The following RARS1 variants were observed in gnomAD, a reference collection of about 807,000 sequenced individuals.
The protein encoded by RARS1 is arginyl-tRNA synthetase 1.
Under a neutral mutation model 78.7 loss-of-function variants are expected in RARS1, and 75 were observed. The observed-to-expected ratio is 0.95, with a 90% CI of 0.79 to 1.15. The LOEUF (loss-of-function observed/expected upper bound fraction) is 1.15. Among genes scored for constraint, RARS1 ranks in the 50% most tolerant of loss-of-function variants. The pLI is 0.00. For synonymous variants in RARS1, 273 were observed against 268.2 expected, an observed-to-expected ratio of 1.02 and a Z score of -0.18; for missense variants, 787 against 787.5, an observed-to-expected ratio of 1.00 and a Z score of 0.01.
At chr5:168,496,034 G>T (rs1758177604) in intron 6 of RARS1, among the ~76,000 whole-genome samples, 2 of 151,980 alleles carry the variant, frequency 1.3e-5, no homozygotes, top group Non-Finnish European at 2.9e-5. Context: ...ACAAATTAAA[G>T]ATTACTCTGG....
intron 9 of RARS1, among the ~76,000 whole-genome samples, chr5:168,505,050 A>G (rs1297092016): frequency 1.3e-5 from 2 of 152,240 alleles, no homozygotes; most frequent in Non-Finnish European, 2.9e-5. Flanking sequence ...ATAGGCACAG[A>G]GAAGTTAGTA....
Position 168,497,344 on chromosome 5 carries a change from A to G in RARS1, c.818A>G (p.Tyr273Cys), listed in dbSNP as rs1215527973. Residue 273 changes from tyrosine (Y) to cysteine (C), a missense_variant, in exon 7 of 15, where the codon TAT (tyrosine) becomes TGT (cysteine). Physicochemically the swap from Tyr to Cys is radical, Grantham distance 194. Transcript: ENST00000231572. ...SPPIGDLQVFYKESKKRFDTE... is the reference protein window; with the variant it reads ...SPPIGDLQVFCKESKKRFDTE... Reference sequence around the variant, plus strand: ...CCTATTGGGGATCTTCAGGTCTTTTATAAGGTTTGATACCATTTCTTTTAT... The same window carrying G: ...CCTATTGGGGATCTTCAGGTCTTTTGTAAGGTTTGATACCATTTCTTTTAT... The G allele has an allele frequency of 1.9e-6, 3 of 1,570,572 alleles. No individual in the cohort carries two copies. The highest frequency in any genetic ancestry group is 2.6e-6 in the Non-Finnish European group (3 of 1,155,782).
At chr5:168,503,408 G>A (rs780478350) in intron 9 of RARS1, among the ~76,000 whole-genome samples, 7 of 152,144 alleles carry the variant, frequency 4.6e-5, no homozygotes, top group Non-Finnish European at 1.0e-4. Context: ...AGAAGTGCTT[G>A]ATTTTTTTAT....
At position 168,491,931 on chromosome 5, in the gene RARS1, A is replaced by C. The variant is rs371653935; in HGVS notation, c.181-728A>C. 8.9e-4 allele frequency among the ~76,000 whole-genome samples: 133 copies of C among 149,438 alleles called. 3 individuals carry two copies. The South Asian group carries it at 0.027, about 30-fold the overall frequency. ...AGCATGTTTATCTTCTATTAAAAGC[A>C]TATGTGTCATTCACCTTTTTTTTTT... On this transcript the variant is annotated intron_variant, in intron 2 of 14. Coordinates refer to ENST00000231572, the MANE Select transcript of RARS1 (RefSeq NM_002887.4).
At chr5:168,488,571 T>A in intron 1 of RARS1, 31 bp from the exon 2 acceptor site, 1 of 1,589,320 alleles carries the variant, frequency 6.3e-7, no homozygotes, top group Non-Finnish European at 8.5e-7. Flanking sequence ...AGTAAGTTTA[T>A]GGACTGAAAA....
chr5:168,498,911 G>C (rs531667117), intron 7 of RARS1, among the ~76,000 whole-genome samples: 1 of 152,228 alleles, frequency 6.6e-6, no homozygotes, highest in East Asian at 1.9e-4. Context: ...GACCAAGGCT[G>C]CAGTGAGCTG....
chr5:168,507,877 CA>C (rs1195791208), intron 11 of RARS1, among the ~76,000 whole-genome samples: 17,820 of 97,152 alleles, frequency 0.18, 1,315 homozygotes, highest in Non-Finnish European at 0.26. Context: ...CCATATCTGC[CA>C]AAAAAAAAAA....
chr5:168,495,040 A>G (rs1204666922), intron 5 of RARS1: 9 of 379,480 alleles, frequency 2.4e-5, no homozygotes, highest in Non-Finnish European at 3.9e-5. Flanking sequence ...AAGGCATTTG[A>G]GGTAGCCAAT....
At chr5:168,487,101 G>C (rs1022982062) in intron 1 of RARS1, among the ~76,000 whole-genome samples, 6 of 152,240 alleles carry the variant, frequency 3.9e-5, no homozygotes, top group Admixed American at 3.9e-4. Flanking sequence ...GGTGGCTCAT[G>C]CCTGTAATCC....
At chr5:168,499,444 AT>A (rs1456127522) in intron 7 of RARS1, among the ~76,000 whole-genome samples, 1 of 152,096 alleles carries the variant, frequency 6.6e-6, no homozygotes, top group African/African-American at 2.4e-5. Flanking sequence ...ATTCTTAGGC[AT>A]TTTCTTTATG....
chr5:168,513,167 T>G (rs987954208), intron 12 of RARS1, among the ~76,000 whole-genome samples: 2 of 151,206 alleles, frequency 1.3e-5, no homozygotes, highest in African/African-American at 4.9e-5. Context: ...TGCCTCAGCC[T>G]CCTGAGTAGC....
At chr5:168,516,142 C>T (rs1408155500) in intron 12 of RARS1, among the ~76,000 whole-genome samples, 1 of 152,146 alleles carries the variant, frequency 6.6e-6, no homozygotes, top group Admixed American at 6.5e-5. Flanking sequence ...TTCAACTTTG[C>T]TTGTGTTGAT....
At chr5:168,504,272 T>C (rs1361787729) in intron 9 of RARS1, among the ~76,000 whole-genome samples, 1 of 151,826 alleles carries the variant, frequency 6.6e-6, no homozygotes, top group African/African-American at 2.4e-5. Context: ...ACACCTGTAA[T>C]CCTAGCACTT....
intron 6 of RARS1, among the ~76,000 whole-genome samples, chr5:168,495,716 G>C (rs1020762219): frequency 2.0e-5 from 3 of 152,166 alleles, no homozygotes; most frequent in African/African-American, 7.2e-5. Context: ...TATGCAATGG[G>C]TTTATATCCT....
intron 2 of RARS1, among the ~76,000 whole-genome samples, chr5:168,491,084 C>T (rs11738671): frequency 0.13 from 19,740 of 152,168 alleles, 1,696 homozygotes; most frequent in Non-Finnish European, 0.19. Context: ...TTGCAGTGAG[C>T]CAAAATCGTG....
chr5:168,510,470 T>A (rs998330538), intron 11 of RARS1, 111 bp from the exon 12 acceptor site: 1 of 776,828 alleles, frequency 1.3e-6, no homozygotes, highest in Non-Finnish European at 2.2e-6. Context: ...CCTTAGAGAT[T>A]TAAAACATAT....
Position 168,518,071 on chromosome 5 carries a change from C to CTTGTTTT in RARS1, c.1873+11_1873+12insGTTTTTT. 1 of 747,558 alleles carries CTTGTTTT rather than the reference C, an allele frequency of 1.3e-6. No individual in the cohort carries two copies. The highest frequency in any genetic ancestry group is 1.6e-6 in the Non-Finnish European group (1 of 622,934). 46.3% of individuals were successfully genotyped at this position (747,558 alleles called of 1,614,324 possible). On this transcript the variant is annotated intron_variant, in intron 14 of 14. Transcript: ENST00000231572. ...GAAAGATAGACAGACTGGTGAGTGT[C>CTTGTTTT]TTTTTTTTTTTTTTTTTTTTTTTTA...
chr5:168,510,195 A>G (rs1341186271), intron 11 of RARS1, among the ~76,000 whole-genome samples: 15 of 152,258 alleles, frequency 9.9e-5, no homozygotes, highest in Non-Finnish European at 1.9e-4. Flanking sequence ...TAAAAAGGTG[A>G]AACATCTAAG....
chr5:168,489,908 A>T (rs887127110), intron 2 of RARS1, among the ~76,000 whole-genome samples: 1 of 147,518 alleles, frequency 6.8e-6, no homozygotes, highest in Non-Finnish European at 1.5e-5. Flanking sequence ...TCCACCTCCC[A>T]GGTTCAAGCA....
Sources: allele counts gnomAD v4.1 joint callset (sites outside exome capture counted in the v4.1 genomes callset), GRCh38; gene constraint gnomAD v4.1.1; transcripts MANE v1.5; gene names NCBI Gene and HGNC (gene_info 2026-07-23, HGNC 2026-07-21).